The following FCGRT variants were observed in gnomAD, a reference collection of about 807,000 sequenced individuals.
The protein encoded by FCGRT is IgG receptor FcRn large subunit p51.
In FCGRT, 13 loss-of-function variants were observed where a neutral mutation model predicts 35.7. The observed-to-expected ratio is 0.36, with a 90% CI of 0.24 to 0.58. The LOEUF (loss-of-function observed/expected upper bound fraction) is 0.58. Among genes scored for constraint, FCGRT ranks in the 20% least tolerant of loss-of-function variants. The pLI is 0.77. For missense variants in FCGRT, 455 were observed against 474.9 expected (o/e 0.96, Z 0.39); for synonymous variants, 233 against 216.5 (o/e 1.08, Z -0.67).
chr19:49,514,194 GTGTT>G lies in FCGRT; in HGVS notation c.326-14_326-11del, dbSNP rs1568698770. The G allele has an allele frequency of 6.2e-7, 1 of 1,609,262 alleles. No individual in the cohort carries two copies. Among genetic ancestry groups the G allele is most frequent in the Non-Finnish European group, 8.5e-7 (1 of 1,177,060 alleles). On this transcript the variant is annotated splice_polypyrimidine_tract_variant and intron_variant, in intron 3 of 6. Coordinates refer to ENST00000221466, the MANE Select transcript of FCGRT (RefSeq NM_001136019.3). ...CCATGCTCCGGGGCCCCGCTTACCT[GTGTT>G]TGGGCGCCCCAGGTCCCTACACTCT...
rs2080076370 is a variant in FCGRT, at chr19:49,526,167, C to G, written c.*48C>G. 1 of 1,271,488 alleles carries G rather than the reference C, an allele frequency of 7.9e-7. No individual in the cohort carries two copies. The highest frequency in any genetic ancestry group is 1.1e-6 in the Non-Finnish European group (1 of 870,274). 78.8% of individuals were successfully genotyped at this position (1,271,488 alleles called of 1,614,324 possible). On this transcript the variant is annotated 3_prime_UTR_variant, in exon 7 of 7. Transcript: ENST00000221466. ...AAAGCGAATGTAGTCAGGCCCCTTTCATGCTGTGAGACCTCCTGGAACACT... is the reference window on the plus strand; with the variant it reads ...AAAGCGAATGTAGTCAGGCCCCTTTGATGCTGTGAGACCTCCTGGAACACT...
In FCGRT at chr19:49,516,711, C is replaced by T. The variant is rs968774729; in HGVS notation, c.601+2225C>T. Among the ~76,000 whole-genome samples, 11 of 152,058 alleles carry T rather than the reference C, an allele frequency of 7.2e-5. No individual in the cohort carries two copies. The South Asian group carries it at 1.2e-3, about 17-fold the overall frequency. On this transcript the variant is annotated intron_variant, in intron 4 of 6. Transcript: ENST00000221466. ...AGCTGGGATTACAGGCACACACCAC[C>T]ATGCCTGGCTAATTTTTGTATTTTT...
At chr19:49,525,219 C>A in intron 5 of FCGRT, 1 of 533,216 alleles carries the variant, frequency 1.9e-6, no homozygotes, top group Non-Finnish European at 3.5e-6. Flanking sequence ...GGCACAGCCC[C>A]GCCTTGCCGC....
rs532163972 is a variant in FCGRT, at chr19:49,513,781, C to T, written c.74-101C>T. 7 of 800,320 alleles carry T rather than the reference C, an allele frequency of 8.7e-6. No homozygotes were observed. The Admixed American group carries it at 9.2e-5, about 10-fold the overall frequency. 49.6% of individuals were successfully genotyped at this position (800,320 alleles called of 1,614,324 possible). On this transcript the variant is annotated intron_variant, in intron 2 of 6. Coordinates refer to ENST00000221466, the MANE Select transcript of FCGRT (RefSeq NM_001136019.3). ...CTGTCCCCTCTCTCTGAATCTGTCC[C>T]CCTCCCTCCATAATAGATTCTTCTC...
intron 4 of FCGRT, among the ~76,000 whole-genome samples, chr19:49,519,479 GT>G (rs528586210): frequency 3.3e-5 from 5 of 151,512 alleles, no homozygotes; most frequent in South Asian, 2.1e-4. Flanking sequence ...TTTTCTTTTT[GT>G]TTTTTTTCCC....
intron 4 of FCGRT, among the ~76,000 whole-genome samples, chr19:49,517,865 G>C (rs777670753): frequency 2.6e-5 from 4 of 152,034 alleles, no homozygotes; most frequent in African/African-American, 7.2e-5. Context: ...GCCAATTTTT[G>C]TATTTTTAGT....
Position 49,526,137 on chromosome 19 carries a change from T to C in FCGRT, c.*18T>C, listed in dbSNP as rs767205835. On this transcript the variant is annotated 3_prime_UTR_variant, in exon 7 of 7. Coordinates refer to ENST00000221466, the MANE Select transcript of FCGRT (RefSeq NM_001136019.3). Reference sequence around the variant, plus strand: ...CCGCCTGACCATCCGCCATTCCGACTGCTAAAAGCGAATGTAGTCAGGCCC... The same window carrying C: ...CCGCCTGACCATCCGCCATTCCGACCGCTAAAAGCGAATGTAGTCAGGCCC... 2 of 1,520,864 alleles carry C rather than the reference T, an allele frequency of 1.3e-6. No homozygotes were observed. Among genetic ancestry groups the C allele is most frequent in the East Asian group, 4.5e-5 (2 of 44,468 alleles). The allele number at this position is 1,520,864 out of a possible 1,614,324, so 94.2% of individuals were successfully genotyped here. A position where few individuals can be genotyped will look rare whatever the true frequency, so the allele number is the denominator to read the frequency against.
chr19:49,518,244 G>T (rs965003691), intron 4 of FCGRT, among the ~76,000 whole-genome samples: 1 of 151,930 alleles, frequency 6.6e-6, no homozygotes, highest in Non-Finnish European at 1.5e-5. Flanking sequence ...TCCAGTTTTT[G>T]TTCCCATATT....
intron 4 of FCGRT, among the ~76,000 whole-genome samples, chr19:49,519,684 C>T (rs2080029234): frequency 6.6e-6 from 1 of 152,014 alleles, no homozygotes; most frequent in African/African-American, 2.4e-5. Context: ...GTAGTTGGTG[C>T]GTATGTCTGT....
intron 4 of FCGRT, among the ~76,000 whole-genome samples, chr19:49,517,676 A>T (rs915830653): frequency 6.6e-6 from 1 of 152,038 alleles, no homozygotes; most frequent in African/African-American, 2.4e-5. Flanking sequence ...GGTAAATCTC[A>T]GACATCACAG....
intron 4 of FCGRT, among the ~76,000 whole-genome samples, chr19:49,516,354 T>C (rs1006079170): frequency 4.0e-5 from 6 of 151,604 alleles, no homozygotes; most frequent in Non-Finnish European, 8.8e-5. Context: ...GTGATTCTCC[T>C]GCCTCAGCCT....
At chr19:49,516,664 C>A (rs1217612606) in intron 4 of FCGRT, among the ~76,000 whole-genome samples, 1 of 151,852 alleles carries the variant, frequency 6.6e-6, no homozygotes, top group Non-Finnish European at 1.5e-5. Flanking sequence ...TCAAGCAATT[C>A]TCCTACCTCA....
In FCGRT at chr19:49,514,270, C is replaced by G. The variant is rs780275784; in HGVS notation, c.385C>G (p.Pro129Ala). The G allele has an allele frequency of 4.3e-6, 7 of 1,610,710 alleles. No individual in the cohort carries two copies. Among genetic ancestry groups the G allele is most frequent in the Non-Finnish European group, 4.2e-6 (5 of 1,178,714 alleles). ...ACTGGGCCCTGACAACACCTCGGTG[C>G]CCACCGCCAAGTTCGCCCTGAACGG... ...CELGPDNTSV[P>A]TAKFALNGEE... The change falls in exon 4 of 7, where the codon CCC becomes GCC. Residue 129 changes from proline to alanine, a missense_variant. Pro to Ala is a conservative substitution (Grantham distance 27). Transcript: ENST00000221466.
rs1197506312 is a variant in FCGRT, at chr19:49,526,197, T to C, written c.*78T>C. The C allele has an allele frequency of 3.2e-6, 3 of 937,148 alleles. No homozygotes were observed. The highest frequency in any genetic ancestry group is 3.5e-6 in the Non-Finnish European group (2 of 578,976). 58.1% of individuals were successfully genotyped at this position (937,148 alleles called of 1,614,324 possible). A position where few individuals can be genotyped will look rare whatever the true frequency, so the allele number is the denominator to read the frequency against. On this transcript the variant is annotated 3_prime_UTR_variant, in exon 7 of 7. Transcript: ENST00000221466. ...TGTGAGACCTCCTGGAACACTGGCATCTCTGAGCCTCCAGAAGGGGTTCTG... is the reference window on the plus strand; with the variant it reads ...TGTGAGACCTCCTGGAACACTGGCACCTCTGAGCCTCCAGAAGGGGTTCTG...
chr19:49,517,194 GA>G (rs945490877), intron 4 of FCGRT, among the ~76,000 whole-genome samples: 142 of 149,664 alleles, frequency 9.5e-4, no homozygotes, highest in African/African-American at 3.3e-3. Flanking sequence ...GTCTCAAAAA[GA>G]AAAAAAATAT....
At chr19:49,518,814 C>A (rs935701943) in intron 4 of FCGRT, among the ~76,000 whole-genome samples, 7 of 152,070 alleles carry the variant, frequency 4.6e-5, no homozygotes, top group African/African-American at 1.7e-4. Flanking sequence ...GGATTACAGG[C>A]GTGAGCCACC....
chr19:49,525,336 C>A, intron 5 of FCGRT, 121 bp from the exon 6 acceptor site: 1 of 797,378 alleles, frequency 1.3e-6, no homozygotes, highest in Non-Finnish European at 2.2e-6. Flanking sequence ...CGCCTCTGCC[C>A]ATCAGACACT....
At chr19:49,514,818 G>C (rs1291396157) in intron 4 of FCGRT, among the ~76,000 whole-genome samples, 1 of 149,450 alleles carries the variant, frequency 6.7e-6, no homozygotes, top group African/African-American at 2.5e-5. Context: ...TCAGCCTCCC[G>C]AGTGGCTGGG....
In FCGRT at chr19:49,516,079, G is replaced by A. The variant is rs186693851; in HGVS notation, c.601+1593G>A. 7 of 417,728 alleles carry A rather than the reference G, an allele frequency of 1.7e-5. No individual in the cohort carries two copies. The East Asian group carries it at 3.7e-4, about 22-fold the overall frequency. The allele number at this position is 417,728 out of a possible 1,614,324, so 25.9% of individuals were successfully genotyped here. A position where few individuals can be genotyped will look rare whatever the true frequency, so the allele number is the denominator to read the frequency against. On this transcript the variant is annotated intron_variant, in intron 4 of 6. Transcript: ENST00000221466. The stretch of plus-strand genomic sequence containing the variant: ...GCTGCTCTGGGCCTTGAGCAAAGAG[G>A]GAAGTGACACACATTCACCCTCTGT...
Sources: allele counts gnomAD v4.1 joint callset (sites outside exome capture counted in the v4.1 genomes callset), GRCh38; gene constraint gnomAD v4.1.1; transcripts MANE v1.5; gene names NCBI Gene and HGNC (gene_info 2026-07-23, HGNC 2026-07-21).